VAT1L: variants seen among roughly 807,000 people sequenced by gnomAD.
VAT1L encodes vesicle amine transport 1 like, also known as putative NADPH-dependent quinone oxidoreductase VAT1L.
A neutral mutation model predicts 44.1 loss-of-function variants in VAT1L; 34 were observed. The observed-to-expected ratio is 0.77, with a 90% CI of 0.59 to 1.03. The LOEUF is 1.03. Among genes scored for constraint, VAT1L ranks in the 50% least tolerant of loss-of-function variants. The probability of loss-of-function intolerance (pLI) is 0.00; values close to 1 mark genes in which losing one functional copy is unlikely to be tolerated. For synonymous variants in VAT1L, 253 were observed against 202.2 expected (o/e 1.25, Z -2.13); for missense variants, 615 against 538.8 (o/e 1.14, Z -1.40).
chr16:77,895,778 C>T (rs1273292113), intron 7 of VAT1L, among the ~76,000 whole-genome samples: 1 of 152,228 alleles, frequency 6.6e-6, no homozygotes, highest in African/African-American at 2.4e-5. Flanking sequence ...TTACAGAGTG[C>T]CTGCCTGCTG....
chr16:77,977,000 G>A (rs1171098861), intron 8 of VAT1L, among the ~76,000 whole-genome samples: 2 of 152,184 alleles, frequency 1.3e-5, no homozygotes, highest in Non-Finnish European at 2.9e-5. Flanking sequence ...ACTCTGTGCA[G>A]CTGATGCTCT....
At chr16:77,841,815 C>T (rs2016709052) in intron 3 of VAT1L, among the ~76,000 whole-genome samples, 1 of 152,170 alleles carries the variant, frequency 6.6e-6, no homozygotes, top group Non-Finnish European at 1.5e-5. Flanking sequence ...GCCTGGATTT[C>T]ACTTTTTCTG....
intron 2 of VAT1L, among the ~76,000 whole-genome samples, chr16:77,824,778 G>A (rs953848132): frequency 4.0e-5 from 6 of 148,166 alleles, no homozygotes; most frequent in Admixed American, 4.0e-4. Context: ...AAATGATTGT[G>A]ATACTAAAAA....
Position 77,974,961 on chromosome 16 carries a change from G to A in VAT1L, c.1162-2636G>A, listed in dbSNP as rs1040281592. Among the ~76,000 whole-genome samples, 4 of 151,994 alleles carry A rather than the reference G, an allele frequency of 2.6e-5. No homozygotes were observed. The South Asian group carries it at 6.2e-4, about 24-fold the overall frequency. ...AACCACGTGGTGGAAAAGAGGCTAC[G>A]GCCTATCTAGATGGAAAAGCAGACT... On this transcript the variant is annotated intron_variant, in intron 8 of 8. Coordinates refer to ENST00000302536, the MANE Select transcript of VAT1L (RefSeq NM_020927.3).
intron 3 of VAT1L, among the ~76,000 whole-genome samples, chr16:77,829,719 C>T (rs535466603): frequency 1.3e-5 from 2 of 152,250 alleles, no homozygotes; most frequent in South Asian, 2.1e-4. Flanking sequence ...TTGCCAGTCC[C>T]GTTTAATGAG....
chr16:77,972,138 A>G (rs1322306457), intron 8 of VAT1L, among the ~76,000 whole-genome samples: 1 of 152,208 alleles, frequency 6.6e-6, no homozygotes, highest in East Asian at 1.9e-4. Context: ...TGCTTCAGTG[A>G]GAGCATATCA....
chr16:77,970,136 T>C (rs1359731981), intron 7 of VAT1L, among the ~76,000 whole-genome samples: 1 of 150,884 alleles, frequency 6.6e-6, no homozygotes, highest in African/African-American at 2.4e-5. Context: ...CTTGGTAGGC[T>C]GACGTGGGAG....
intron 1 of VAT1L, among the ~76,000 whole-genome samples, chr16:77,799,800 A>G (rs190709035): frequency 1.3e-5 from 2 of 152,256 alleles, no homozygotes; most frequent in South Asian, 2.1e-4. Context: ...TAAATAACAC[A>G]TATTTTCAAC....
chr16:77,873,663 A>C (rs2017056481), intron 4 of VAT1L, among the ~76,000 whole-genome samples: 1 of 152,206 alleles, frequency 6.6e-6, no homozygotes, highest in Non-Finnish European at 1.5e-5. Context: ...ATAGGTACTA[A>C]AAAGTATCTC....
intron 3 of VAT1L, among the ~76,000 whole-genome samples, chr16:77,826,258 G>A (rs915705769): frequency 7.2e-5 from 11 of 151,742 alleles, no homozygotes; most frequent in African/African-American, 2.7e-4. Context: ...TTGGTATCAT[G>A]ATGAAAAGTT....
chr16:77,814,258 T>C (rs956024494), intron 1 of VAT1L, among the ~76,000 whole-genome samples: 1 of 152,182 alleles, frequency 6.6e-6, no homozygotes, highest in Admixed American at 6.5e-5. Flanking sequence ...AGTACTCTGT[T>C]AACAATTATT....
chr16:77,860,016 T>C (rs1430093392), intron 3 of VAT1L, among the ~76,000 whole-genome samples: 2 of 151,952 alleles, frequency 1.3e-5, no homozygotes, highest in East Asian at 3.9e-4. Context: ...GGTGTCCTTA[T>C]GAGAAGGGGA....
intron 6 of VAT1L, among the ~76,000 whole-genome samples, chr16:77,880,152 C>T (rs1375546100): frequency 6.6e-6 from 1 of 152,144 alleles, no homozygotes; most frequent in Non-Finnish European, 1.5e-5. Context: ...TAGAATTATA[C>T]TGATGTTGGC....
intron 6 of VAT1L, among the ~76,000 whole-genome samples, chr16:77,880,654 G>A (rs960306486): frequency 4.7e-5 from 6 of 128,064 alleles, no homozygotes; most frequent in Admixed American, 1.9e-4. Flanking sequence ...ACCTGTGCAG[G>A]TTTTTTGCCC....
intron 7 of VAT1L, among the ~76,000 whole-genome samples, chr16:77,967,753 C>A (rs1249146853): frequency 6.6e-6 from 1 of 152,152 alleles, no homozygotes; most frequent in Non-Finnish European, 1.5e-5. Context: ...GGAGAGGCAG[C>A]TTAAAAGTTG....
intron 7 of VAT1L, among the ~76,000 whole-genome samples, chr16:77,952,638 C>A (rs773478584): frequency 6.6e-5 from 10 of 152,132 alleles, no homozygotes; most frequent in Middle Eastern, 6.8e-3. Flanking sequence ...GTGGGCAGAT[C>A]CCGAGGTCAG....
intron 3 of VAT1L, among the ~76,000 whole-genome samples, chr16:77,840,130 G>C: frequency 1.3e-5 from 2 of 152,296 alleles, no homozygotes; most frequent in South Asian, 4.2e-4. Context: ...CTCTCCAAGA[G>C]AGCCTGCAGT....
At chr16:77,844,121 T>A (rs991896830) in intron 3 of VAT1L, among the ~76,000 whole-genome samples, 18 of 152,298 alleles carry the variant, frequency 1.2e-4, no homozygotes, top group Non-Finnish European at 1.3e-4. Flanking sequence ...ATTATACATA[T>A]AGTATGTGTG....
At chr16:77,889,004 G>C (rs918199452) in intron 7 of VAT1L, among the ~76,000 whole-genome samples, 1 of 152,178 alleles carries the variant, frequency 6.6e-6, no homozygotes, top group East Asian at 1.9e-4. Flanking sequence ...AGCTGCAGTC[G>C]GACCAAACGT....
Sources: allele counts gnomAD v4.1 joint callset (sites outside exome capture counted in the v4.1 genomes callset), GRCh38; gene constraint gnomAD v4.1.1; transcripts MANE v1.5; gene names NCBI Gene and HGNC (gene_info 2026-07-23, HGNC 2026-07-21).